CTCF: variants seen among roughly 807,000 people sequenced by gnomAD.
CTCF encodes transcriptional repressor CTCF.
A neutral mutation model predicts 72.3 loss-of-function variants in CTCF; 7 were observed. The observed-to-expected ratio is 0.10, with a 90% confidence interval of 0.06 to 0.18. The LOEUF is 0.18. CTCF is among the 10% of genes least tolerant of loss of function. CTCF has a pLI of 1.00. For missense variants in CTCF, 516 were observed against 949.1 expected (o/e 0.54, Z 6.00); for synonymous variants, 374 against 315.8 (o/e 1.18, Z -1.95).
chr16:67,636,260 C>T (rs1251711668), intron 10 of CTCF, among the ~76,000 whole-genome samples: 1 of 151,876 alleles, frequency 6.6e-6, no homozygotes, highest in Non-Finnish European at 1.5e-5. Context: ...CCTGTAGTCA[C>T]AGCTACTCAG....
chr16:67,635,132 C>T (rs1462193261), intron 10 of CTCF, among the ~76,000 whole-genome samples: 2 of 152,042 alleles, frequency 1.3e-5, no homozygotes, highest in Non-Finnish European at 2.9e-5. Context: ...AGTGATTCCA[C>T]TGCCTCAGCC....
At chr16:67,591,847 T>C (rs1365837276) in intron 2 of CTCF, among the ~76,000 whole-genome samples, 1 of 152,078 alleles carries the variant, frequency 6.6e-6, no homozygotes, top group African/African-American at 2.4e-5. Flanking sequence ...TAGCTGGGAC[T>C]ACAGATGGAT....
In CTCF at chr16:67,636,870, C is replaced by G; in HGVS notation, c.1999+19C>G. The G allele has an allele frequency of 2.7e-6, 4 of 1,481,546 alleles. No homozygotes were observed. The highest frequency in any genetic ancestry group is 2.7e-6 in the Non-Finnish European group (3 of 1,106,190). 91.8% of individuals were successfully genotyped at this position (1,481,546 alleles called of 1,614,324 possible). A position where few individuals can be genotyped will look rare whatever the true frequency, so the allele number is the denominator to read the frequency against. ...AACCAGCGTAAGTTGTTCATCTCTGCTCTGGAGGCTGGCGTCTTCTCCGAG... is the reference window on the plus strand; with the variant it reads ...AACCAGCGTAAGTTGTTCATCTCTGGTCTGGAGGCTGGCGTCTTCTCCGAG... On this transcript the variant is annotated intron_variant, in intron 11 of 11. Coordinates refer to ENST00000264010, the MANE Select transcript of CTCF (RefSeq NM_006565.4).
chr16:67,610,771 T>C lies in CTCF; in HGVS notation c.-9-53T>C, dbSNP rs370144721. 4 of 1,294,282 alleles carry C rather than the reference T, an allele frequency of 3.1e-6. No homozygotes were observed. The East Asian group carries it at 7.4e-5, about 24-fold the overall frequency. 80.2% of individuals were successfully genotyped at this position (1,294,282 alleles called of 1,614,324 possible). ...TCTTTTTGTTTTAAAATGTATATTT[T>C]TATTTAGACATGCTTTGCTTTAAAT... On this transcript the variant is annotated intron_variant, in intron 2 of 11. Transcript: ENST00000264010.
At chr16:67,626,826 TG>T (rs2052293853) in intron 8 of CTCF, 111 bp downstream of exon 8, 2 of 777,162 alleles carry the variant, frequency 2.6e-6, no homozygotes, top group Admixed American at 3.8e-5. Flanking sequence ...TTTCAAACTG[TG>T]GATTATGAGG....
chr16:67,606,252 A>T (rs1051972839), intron 2 of CTCF, among the ~76,000 whole-genome samples: 1 of 152,140 alleles, frequency 6.6e-6, no homozygotes, highest in Non-Finnish European at 1.5e-5. Context: ...CAGAAATCCA[A>T]ACCTTTCCCC....
intron 2 of CTCF, among the ~76,000 whole-genome samples, chr16:67,608,129 C>G (rs995695034): frequency 6.6e-6 from 1 of 151,570 alleles, no homozygotes; most frequent in African/African-American, 2.4e-5. Flanking sequence ...TCGAGACCAT[C>G]CTGGCTAACA....
intron 1 of CTCF, among the ~76,000 whole-genome samples, chr16:67,564,368 ATT>A (rs1359019245): frequency 3.3e-5 from 5 of 152,368 alleles, no homozygotes; most frequent in African/African-American, 1.2e-4. Flanking sequence ...TTATGAAGAA[ATT>A]AAACAGCCTG....
intron 2 of CTCF, among the ~76,000 whole-genome samples, chr16:67,579,285 A>G (rs1049719979): frequency 6.6e-6 from 1 of 152,108 alleles, no homozygotes; most frequent in Non-Finnish European, 1.5e-5. Context: ...AAAATAAAAA[A>G]TAAAGCACAA....
chr16:67,579,312 C>T (rs1008175473), intron 2 of CTCF, among the ~76,000 whole-genome samples: 12 of 151,706 alleles, frequency 7.9e-5, no homozygotes, highest in Non-Finnish European at 1.6e-4. Flanking sequence ...GCTTACTATA[C>T]ACGTTGTTCT....
intron 2 of CTCF, among the ~76,000 whole-genome samples, chr16:67,582,836 G>C (rs1212002805): frequency 2.0e-5 from 3 of 151,818 alleles, no homozygotes; most frequent in African/African-American, 4.8e-5. Flanking sequence ...ATATTTGCTG[G>C]TTTAATGACT....
At chr16:67,573,719 C>A (rs1321223553) in intron 2 of CTCF, among the ~76,000 whole-genome samples, 1 of 151,800 alleles carries the variant, frequency 6.6e-6, no homozygotes, top group African/African-American at 2.4e-5. Flanking sequence ...TTTCACATAA[C>A]AACCACCATC....
intron 2 of CTCF, among the ~76,000 whole-genome samples, chr16:67,586,738 T>G (rs543280719): frequency 2.6e-4 from 40 of 152,318 alleles, no homozygotes; most frequent in Non-Finnish European, 4.1e-4. Context: ...TTATTCTTCA[T>G]AGCTATTCAG....
intron 11 of CTCF, among the ~76,000 whole-genome samples, 186 bp downstream of exon 11, chr16:67,637,037 T>C (rs1222236861): frequency 6.6e-6 from 1 of 152,136 alleles, no homozygotes; most frequent in African/African-American, 2.4e-5. Context: ...AGGAAGTCTT[T>C]AGAGGCCTGT....
At chr16:67,575,262 A>G (rs1017934635) in intron 2 of CTCF, among the ~76,000 whole-genome samples, 2 of 152,108 alleles carry the variant, frequency 1.3e-5, no homozygotes, top group African/African-American at 4.8e-5. Context: ...CAATAAACAA[A>G]TAAGTAAGTA....
At chr16:67,630,542 G>A (rs2052349385) in intron 10 of CTCF, among the ~76,000 whole-genome samples, 2 of 152,086 alleles carry the variant, frequency 1.3e-5, no homozygotes, top group African/African-American at 4.8e-5. Context: ...ATCACTTGAG[G>A]TCAGGAGTTC....
chr16:67,578,226 GATCTCTC>G (rs1240299026), intron 2 of CTCF, among the ~76,000 whole-genome samples: 1 of 150,946 alleles, frequency 6.6e-6, no homozygotes, highest in Non-Finnish European at 1.5e-5. Context: ...TCTTGCCTCT[GATCTCTC>G]ATTTTTCTTC....
At chr16:67,574,027 C>G (rs2142722760) in intron 2 of CTCF, among the ~76,000 whole-genome samples, 1 of 151,010 alleles carries the variant, frequency 6.6e-6, no homozygotes, top group South Asian at 2.1e-4. Flanking sequence ...GAGACTCCAT[C>G]TCAAAAAAAA....
intron 7 of CTCF, among the ~76,000 whole-genome samples, chr16:67,623,616 CAGAG>C (rs915169429): frequency 8.2e-5 from 12 of 145,894 alleles, no homozygotes; most frequent in Non-Finnish European, 1.7e-4. Context: ...GCTTGGGTGA[CAGAG>C]AGACCCCATC....
Sources: gnomAD v4.1 joint callset for allele counts (sites outside exome capture counted in the v4.1 genomes callset) on GRCh38, gnomAD v4.1.1 for gene constraint, MANE v1.5 for transcripts, NCBI Gene and HGNC (gene_info 2026-07-23, HGNC 2026-07-21) for gene names.